DPP10: variants seen among roughly 807,000 people sequenced by gnomAD.
DPP10 encodes inactive dipeptidyl peptidase 10.
In DPP10, 33 loss-of-function variants were observed where a neutral mutation model predicts 120.9. That is an observed-to-expected ratio of 0.27 (90% CI 0.21 to 0.37). DPP10 has a LOEUF of 0.37. Ranked by LOEUF, DPP10 falls within the 10% of genes least tolerant of loss-of-function variation. The probability of loss-of-function intolerance (pLI) is 1.00; values close to 1 mark genes in which losing one functional copy is unlikely to be tolerated. For missense variants in DPP10, 816 were observed against 942.8 expected (o/e 0.87, Z 1.76); for synonymous variants, 337 against 326.1 (o/e 1.03, Z -0.36).
chr2:115,592,801 T>G (rs1490270079), intron 5 of DPP10, among the ~76,000 whole-genome samples: 2 of 151,736 alleles, frequency 1.3e-5, no homozygotes, highest in East Asian at 3.9e-4. Context: ...GGAAAAAAAC[T>G]GAAAAGTCCT....
chr2:115,536,479 A>G (rs2078849801), intron 5 of DPP10, among the ~76,000 whole-genome samples: 1 of 152,018 alleles, frequency 6.6e-6, no homozygotes, highest in Admixed American at 6.6e-5. Context: ...ACTAATAAAT[A>G]TCTGTCTTTG....
At chr2:114,830,703 T>G (rs1192382731) in intron 1 of DPP10, among the ~76,000 whole-genome samples, 1 of 152,210 alleles carries the variant, frequency 6.6e-6, no homozygotes, top group African/African-American at 2.4e-5. Flanking sequence ...AATGAATATT[T>G]TTCTATATAT....
At chr2:115,819,354 CTTA>C (rs1559198775) in intron 21 of DPP10, among the ~76,000 whole-genome samples, 2 of 152,178 alleles carry the variant, frequency 1.3e-5, no homozygotes, top group African/African-American at 2.4e-5. Flanking sequence ...ATAATATCCT[CTTA>C]TTATATGCTT....
chr2:114,727,623 A>C (rs1212912834), intron 1 of DPP10, among the ~76,000 whole-genome samples: 1 of 152,182 alleles, frequency 6.6e-6, no homozygotes, highest in African/African-American at 2.4e-5. Flanking sequence ...GGAGGATTTC[A>C]ATCAGATATT....
At chr2:115,002,886 A>G (rs1701539079) in intron 1 of DPP10, among the ~76,000 whole-genome samples, 1 of 152,130 alleles carries the variant, frequency 6.6e-6, no homozygotes, top group Non-Finnish European at 1.5e-5. Flanking sequence ...ATTACAGAGG[A>G]AAGGGAATGC....
At chr2:115,104,424 T>G (rs896159164) in intron 1 of DPP10, among the ~76,000 whole-genome samples, 3 of 152,076 alleles carry the variant, frequency 2.0e-5, no homozygotes, top group Admixed American at 6.6e-5. Context: ...AAATTCTGAG[T>G]TCTAGAGAAA....
chr2:115,110,783 C>G (rs950191444), intron 1 of DPP10, among the ~76,000 whole-genome samples: 1 of 151,692 alleles, frequency 6.6e-6, no homozygotes, highest in African/African-American at 2.4e-5. Context: ...TTTTTTTCCC[C>G]TGATTTACTA....
At chr2:114,824,755 G>T (rs1686383532) in intron 1 of DPP10, among the ~76,000 whole-genome samples, 1 of 152,120 alleles carries the variant, frequency 6.6e-6, no homozygotes, top group Admixed American at 6.6e-5. Flanking sequence ...TATTGTGTTA[G>T]AAACTTTGTC....
rs145142805 is a variant in DPP10 at position 115,719,009 on chromosome 2, G to A, written c.577-8807G>A. Among the ~76,000 whole-genome samples the A allele has an allele frequency of 3.6e-3, 550 of 152,046 alleles. 3 individuals carry two copies. Among genetic ancestry groups the A allele is most frequent in the African/African-American group, 0.011 (440 of 41,488 alleles). On this transcript the variant is annotated intron_variant, in intron 7 of 25. Coordinates refer to ENST00000410059, the MANE Select transcript of DPP10 (RefSeq NM_020868.6). ...TCCTGTGGGTTCCAGTTTATTTCTC[G>A]GGGCCTGTAAATATTTTTCTTAATG...
intron 5 of DPP10, among the ~76,000 whole-genome samples, chr2:115,593,933 C>T (rs1386059047): frequency 6.6e-6 from 1 of 152,076 alleles, no homozygotes; most frequent in Non-Finnish European, 1.5e-5. Flanking sequence ...CCTTTCAAGC[C>T]CAGCCAATAA....
chr2:115,607,575 A>G (rs558367712), intron 5 of DPP10, among the ~76,000 whole-genome samples: 1 of 152,334 alleles, frequency 6.6e-6, no homozygotes, highest in Admixed American at 6.5e-5. Context: ...AAATTGTTCT[A>G]TTGCATTCTT....
At chr2:114,639,989 A>T (rs968494721) in intron 1 of DPP10, among the ~76,000 whole-genome samples, 2 of 151,914 alleles carry the variant, frequency 1.3e-5, no homozygotes, top group African/African-American at 4.9e-5. Context: ...CTGTTTCTAA[A>T]GCAATTATGG....
At chr2:114,477,242 G>C (rs574970814) in intron 1 of DPP10, among the ~76,000 whole-genome samples, 31 of 152,082 alleles carry the variant, frequency 2.0e-4, no homozygotes, top group Middle Eastern at 3.4e-3. Context: ...ACAGGTGTGA[G>C]CCACTGCACC....
intron 1 of DPP10, among the ~76,000 whole-genome samples, chr2:114,878,811 C>T (rs954281286): frequency 6.6e-6 from 1 of 152,104 alleles, no homozygotes; most frequent in African/African-American, 2.4e-5. Flanking sequence ...ATATATGCCA[C>T]ATTTTCTTTA....
At position 115,334,230 on chromosome 2, in the gene DPP10, G is replaced by GTTTTTTTTTTTTTTTTTTTGT; in HGVS notation, c.176-9571_176-9570insTTTGTTTTTTTTTTTTTTTTT. Reference sequence around the variant, plus strand: ...TCAGGAATGGACCAGAGCAGACTCTGTTTTTTTTTTTTTTTTAAGAAACCT... The same window carrying GTTTTTTTTTTTTTTTTTTTGT: ...TCAGGAATGGACCAGAGCAGACTCTGTTTTTTTTTTTTTTTTTTTGTTTTTTTTTTTTTTTTTAAGAAACCT... On this transcript the variant is annotated intron_variant, in intron 2 of 25. Transcript: ENST00000410059. Among the ~76,000 whole-genome samples the GTTTTTTTTTTTTTTTTTTTGT allele has an allele frequency of 5.5e-4, 31 of 56,402 alleles. No homozygotes were observed. In the East Asian group the frequency reaches 0.013, roughly 23 times the overall value. 37.0% of individuals were successfully genotyped at this position (56,402 alleles called of 152,430 possible). A position where few individuals can be genotyped will look rare whatever the true frequency, so the allele number is the denominator to read the frequency against.
chr2:115,562,858 C>A (rs543820245), intron 5 of DPP10, among the ~76,000 whole-genome samples: 2 of 152,304 alleles, frequency 1.3e-5, no homozygotes, highest in African/African-American at 4.8e-5. Flanking sequence ...CAAGGAAGTT[C>A]CATAGCTATT....
intron 1 of DPP10, among the ~76,000 whole-genome samples, chr2:115,246,127 C>T (rs2058522013): frequency 6.6e-6 from 1 of 151,946 alleles, no homozygotes; most frequent in African/African-American, 2.4e-5. Flanking sequence ...CTTCAAAGCC[C>T]ACCTCTCACT....
At chr2:115,215,990 A>G (rs1387437446) in intron 1 of DPP10, among the ~76,000 whole-genome samples, 1 of 152,206 alleles carries the variant, frequency 6.6e-6, no homozygotes, top group Non-Finnish European at 1.5e-5. Flanking sequence ...GAATGAAATT[A>G]TGTCTTCTGC....
chr2:114,455,725 A>AT lies in DPP10; in HGVS notation c.60+12890dup, dbSNP rs1407730735. Among the ~76,000 whole-genome samples, 263 of 67,598 alleles carry AT rather than the reference A, an allele frequency of 3.9e-3. 5 individuals carry two copies. In the East Asian group the frequency reaches 0.091, roughly 23 times the overall value. The allele number at this position is 67,598 out of a possible 152,430, so 44.3% of individuals were successfully genotyped here. Reference sequence around the variant, plus strand: ...CAGAAAGTCTCATACCCACAAATTCATTTGTTTTTTTTTTTTTTTACCATT... The same window carrying AT: ...CAGAAAGTCTCATACCCACAAATTCATTTTGTTTTTTTTTTTTTTTACCATT... On this transcript the variant is annotated intron_variant, in intron 1 of 25. Transcript: ENST00000410059.
Sources: gnomAD v4.1 joint callset for allele counts (sites outside exome capture counted in the v4.1 genomes callset) on GRCh38, gnomAD v4.1.1 for gene constraint, MANE v1.5 for transcripts, NCBI Gene and HGNC (gene_info 2026-07-23, HGNC 2026-07-21) for gene names.